The following TNFRSF10D variants were observed in gnomAD, a reference collection of about 807,000 sequenced individuals.
The protein encoded by TNFRSF10D is tumor necrosis factor receptor superfamily member 10D.
Under a neutral mutation model 42.1 loss-of-function variants are expected in TNFRSF10D, and 28 were observed. That is an observed-to-expected ratio of 0.66 (90% CI 0.49 to 0.91). The LOEUF (loss-of-function observed/expected upper bound fraction) is 0.91. Ranked by LOEUF, TNFRSF10D falls within the 40% of genes least tolerant of loss-of-function variation. The pLI is 0.00. For synonymous variants in TNFRSF10D, 186 were observed against 189.4 expected (o/e 0.98, Z 0.15); for missense variants, 503 against 486.1 (o/e 1.03, Z -0.33).
intron 1 of TNFRSF10D, among the ~76,000 whole-genome samples, chr8:23,155,318 T>C (rs1211663080): frequency 6.6e-6 from 1 of 151,764 alleles, no homozygotes; most frequent in East Asian, 1.9e-4. Flanking sequence ...GTGATCATAG[T>C]CTACTACAGC....
intron 7 of TNFRSF10D, among the ~76,000 whole-genome samples, chr8:23,140,377 CACACA>C (rs1220869536): frequency 2.1e-4 from 1 of 4,844 alleles, no homozygotes; most frequent in East Asian, 0.016. Context: ...TTACAACAGA[CACACA>C]CACACACACA....
At position 23,154,951 on chromosome 8, in the gene TNFRSF10D, C is replaced by T. The variant is rs200139123; in HGVS notation, c.179G>A (p.Arg60Gln). The T allele has an allele frequency of 9.9e-6, 16 of 1,612,110 alleles. No individual in the cohort carries two copies. The highest frequency in any genetic ancestry group is 2.2e-5 in the East Asian group (1 of 44,778). The change falls in exon 2 of 9, where the codon CGG (arginine) becomes CAG (glutamine). Residue 60 changes from arginine to glutamine, a missense_variant. Physicochemically the swap from Arg to Gln is conservative, Grantham distance 43. Coordinates refer to ENST00000312584, the MANE Select transcript of TNFRSF10D (RefSeq NM_003840.5). The part of the protein sequence containing the change: ...PVRVDSATIP[R>Q]QDEVPQQTVA... The stretch of plus-strand genomic sequence containing the variant: ...TGTCTGCTGGGGAACTTCGTCCTGC[C>T]GGGGGATGGTGGCAGAGTCAACCCG...
Position 23,148,544 on chromosome 8 carries a change from A to C in TNFRSF10D, c.264T>G (p.His88Gln). 1 of 1,606,364 alleles carries C rather than the reference A, an allele frequency of 6.2e-7. No homozygotes were observed. The highest frequency in any genetic ancestry group is 8.5e-7 in the Non-Finnish European group (1 of 1,174,612). Residue 88 changes from histidine (H) to glutamine (Q), a missense_variant, in exon 3 of 9, where the codon CAT (histidine) becomes CAG (glutamine). By Grantham distance (24) the His-to-Gln change is conservative. Transcript: ENST00000312584. ...LKEEECPAGS[H>Q]RSEYTGACNP... Reference sequence around the variant, plus strand: ...TACAGGCTCCAGTATATTCTGATCTATGAGATCCTGGGAAGGGAGAGAAAA... The same window carrying C: ...TACAGGCTCCAGTATATTCTGATCTCTGAGATCCTGGGAAGGGAGAGAAAA...
chr8:23,163,115 T>TTTG (rs1374454438), intron 1 of TNFRSF10D, among the ~76,000 whole-genome samples: 1 of 99,642 alleles, frequency 1.0e-5, no homozygotes, highest in African/African-American at 3.3e-5. Flanking sequence ...TTTTTTTTTT[T>TTTG]TGAGACGGAG....
At chr8:23,148,153 T>C (rs1416179196) in intron 3 of TNFRSF10D, among the ~76,000 whole-genome samples, 1 of 141,670 alleles carries the variant, frequency 7.1e-6, no homozygotes, top group Non-Finnish European at 1.5e-5. Flanking sequence ...GGTAGAAGAA[T>C]CACTAAACCT....
chr8:23,148,620 A>G lies in TNFRSF10D; in HGVS notation c.257-69T>C, dbSNP rs888010561. ...TCCCAGAGGCTGACAATGGCTGGCA[A>G]ATTTCTCTTTTGGCCCTCAGTGGAA... is the stretch of plus-strand genomic sequence containing the variant. On this transcript the variant is annotated intron_variant, in intron 2 of 8. Coordinates refer to ENST00000312584, the MANE Select transcript of TNFRSF10D (RefSeq NM_003840.5). 2.0e-5 allele frequency: 25 copies of G among 1,241,834 alleles called. No homozygotes were observed. In the African/African-American group the frequency reaches 2.8e-4, roughly 14 times the overall value. 76.9% of individuals were successfully genotyped at this position (1,241,834 alleles called of 1,614,324 possible).
chr8:23,146,549 C>T (rs189633834), intron 4 of TNFRSF10D, among the ~76,000 whole-genome samples: 926 of 152,028 alleles, frequency 6.1e-3, no homozygotes, highest in African/African-American at 0.019. Context: ...GGTCCCTGCC[C>T]ACATAAAAAA....
At chr8:23,150,752 A>G (rs1470907980) in intron 2 of TNFRSF10D, among the ~76,000 whole-genome samples, 1 of 152,222 alleles carries the variant, frequency 6.6e-6, no homozygotes, top group African/African-American at 2.4e-5. Context: ...CAACAACACA[A>G]TATCTGAACT....
At chr8:23,141,052 C>G (rs903463297) in intron 7 of TNFRSF10D, among the ~76,000 whole-genome samples, 1 of 152,110 alleles carries the variant, frequency 6.6e-6, no homozygotes, top group Non-Finnish European at 1.5e-5. Context: ...AAAGGTAAGA[C>G]CATGAACTAT....
At chr8:23,159,083 A>G (rs191990774) in intron 1 of TNFRSF10D, among the ~76,000 whole-genome samples, 29 of 152,006 alleles carry the variant, frequency 1.9e-4, no homozygotes, top group Non-Finnish European at 3.8e-4. Flanking sequence ...TTCACACGAC[A>G]TGATTTTCTG....
chr8:23,141,566 C>T (rs550553019), intron 7 of TNFRSF10D, among the ~76,000 whole-genome samples: 1 of 149,556 alleles, frequency 6.7e-6, no homozygotes, highest in South Asian at 2.1e-4. Flanking sequence ...AAAATATTTA[C>T]AAACTATGCA....
chr8:23,146,320 C>T (rs181722075), intron 4 of TNFRSF10D, among the ~76,000 whole-genome samples: 945 of 152,202 alleles, frequency 6.2e-3, no homozygotes, highest in African/African-American at 0.019. Flanking sequence ...CCCTGTCTGC[C>T]GCTGGTTCCT....
intron 7 of TNFRSF10D, among the ~76,000 whole-genome samples, chr8:23,142,349 G>C (rs1800040314): frequency 6.6e-6 from 1 of 151,892 alleles, no homozygotes; most frequent in African/African-American, 2.4e-5. Context: ...ATCAACCTAG[G>C]TTCCCATCAA....
At position 23,163,987 on chromosome 8, in the gene TNFRSF10D, C is replaced by T. The variant is rs922792910; in HGVS notation, c.-52G>A. The T allele has an allele frequency of 1.3e-5, 19 of 1,506,616 alleles. No homozygotes were observed. In the Admixed American group the frequency reaches 4.2e-4, roughly 33 times the overall value. 93.3% of individuals were successfully genotyped at this position (1,506,616 alleles called of 1,614,324 possible). A position where few individuals can be genotyped will look rare whatever the true frequency, so the allele number is the denominator to read the frequency against. ...CGCCAAAAATCAATCAGAAATCGTC[C>T]CCGTAGTTTGTGCGCGTGCAAAGGT... On this transcript the variant is annotated 5_prime_UTR_variant, in exon 1 of 9. Transcript: ENST00000312584.
chr8:23,149,241 T>A (rs202126855), intron 2 of TNFRSF10D, among the ~76,000 whole-genome samples: 89 of 151,748 alleles, frequency 5.9e-4, no homozygotes, highest in South Asian at 1.5e-3. Flanking sequence ...TTATCTTTTT[T>A]AAAATTTTTT....
In TNFRSF10D at chr8:23,163,825, G is replaced by A. The variant is rs1477854918; in HGVS notation, c.111C>T (p.Ile37=). 7 of 1,609,168 alleles carry A rather than the reference G, an allele frequency of 4.4e-6. No homozygotes were observed. Among genetic ancestry groups the A allele is most frequent in the Non-Finnish European group, 5.1e-6 (6 of 1,178,478 alleles). Reference sequence around the variant, plus strand: ...CGACGATGAAGACGACGAACTTAAGGATCTTGGGGTCCAGGAGCCATGGTC... The same window carrying A: ...CGACGATGAAGACGACGAACTTAAGAATCTTGGGGTCCAGGAGCCATGGTC... ...GTRPWLLDPK[I]LKFVVFIVAV... is the part of the protein sequence containing the mutation. Residue 37 remains isoleucine, a synonymous_variant, in exon 1 of 9, where the codon ATC becomes ATT. Coordinates refer to ENST00000312584, the MANE Select transcript of TNFRSF10D (RefSeq NM_003840.5).
chr8:23,147,468 G>A (rs1415635949), intron 3 of TNFRSF10D, among the ~76,000 whole-genome samples: 1 of 152,186 alleles, frequency 6.6e-6, no homozygotes, highest in Admixed American at 6.5e-5. Context: ...CACCTTTCAG[G>A]AGCACAGAGC....
chr8:23,147,812 C>T (rs1268312951), intron 3 of TNFRSF10D, among the ~76,000 whole-genome samples: 2 of 151,908 alleles, frequency 1.3e-5, no homozygotes, highest in African/African-American at 4.8e-5. Context: ...CCTGTAAGCC[C>T]AGTACTTTGG....
intron 7 of TNFRSF10D, 39 bp from the exon 8 acceptor site, chr8:23,138,299 G>A (rs761879441): frequency 1.9e-5 from 31 of 1,611,856 alleles, no homozygotes; most frequent in Non-Finnish European, 2.4e-5. Flanking sequence ...TCAGAGTCAG[G>A]AGTCCTGCAG....
Sources: allele counts gnomAD v4.1 joint callset (sites outside exome capture counted in the v4.1 genomes callset), GRCh38; gene constraint gnomAD v4.1.1; transcripts MANE v1.5; gene names NCBI Gene and HGNC (gene_info 2026-07-23, HGNC 2026-07-21).